Variants in PRKN observed in about 807,000 individuals in gnomAD.
The protein encoded by PRKN is E3 ubiquitin-protein ligase parkin.
PRKN carries 56 observed loss-of-function variants against 59.5 expected under a neutral mutation model. The observed-to-expected ratio is 0.94, with a 90% CI of 0.76 to 1.18. The LOEUF (loss-of-function observed/expected upper bound fraction) is 1.18. PRKN is among the 50% of genes most tolerant of loss of function. The pLI, the probability that PRKN is intolerant of heterozygous loss-of-function variation, is 0.00. For synonymous variants in PRKN, 250 were observed against 222.1 expected (o/e 1.13, Z -1.12); for missense variants, 657 against 596.4 (o/e 1.10, Z -1.06).
intron 2 of PRKN, among the ~76,000 whole-genome samples, chr6:162,334,804 T>C (rs948409606): frequency 1.3e-5 from 2 of 152,172 alleles, no homozygotes; most frequent in African/African-American, 4.8e-5. Flanking sequence ...ACAACATTCA[T>C]GATTCATGGG....
At chr6:161,774,983 A>G (rs1164879006) in intron 7 of PRKN, among the ~76,000 whole-genome samples, 5 of 152,158 alleles carry the variant, frequency 3.3e-5, no homozygotes, top group African/African-American at 1.2e-4. Context: ...TGTGGCTTCA[A>G]TCCTGGTGCC....
At chr6:161,813,251 T>C (rs1791632919) in intron 6 of PRKN, among the ~76,000 whole-genome samples, 1 of 152,140 alleles carries the variant, frequency 6.6e-6, no homozygotes, top group African/African-American at 2.4e-5. Flanking sequence ...ATCATCCTGG[T>C]TCAGCATCCC....
chr6:161,694,116 C>A (rs993320960), intron 7 of PRKN, among the ~76,000 whole-genome samples: 1 of 152,134 alleles, frequency 6.6e-6, no homozygotes, highest in Admixed American at 6.5e-5. Context: ...ACACGAAAGC[C>A]CCTTTGCATT....
intron 1 of PRKN, among the ~76,000 whole-genome samples, chr6:162,457,992 G>A (rs111381273): frequency 0.048 from 7,334 of 151,676 alleles, 589 homozygotes; most frequent in African/African-American, 0.17. Context: ...GCAGTGGCTC[G>A]TGCCTGTAAT....
chr6:161,585,475 A>G (rs1461350731), intron 7 of PRKN, among the ~76,000 whole-genome samples: 1 of 152,240 alleles, frequency 6.6e-6, no homozygotes, highest in Non-Finnish European at 1.5e-5. Flanking sequence ...CATACCAAAG[A>G]GAAATTAAAA....
intron 1 of PRKN, among the ~76,000 whole-genome samples, chr6:162,558,657 T>C (rs9458589): frequency 6.6e-6 from 1 of 150,510 alleles, no homozygotes; most frequent in Non-Finnish European, 1.5e-5. Context: ...TTTAATTTCT[T>C]AGATGGGGTC....
intron 6 of PRKN, among the ~76,000 whole-genome samples, chr6:161,881,863 A>G (rs1794948653): frequency 6.6e-6 from 1 of 152,104 alleles, no homozygotes. Flanking sequence ...GAGGTTCTGG[A>G]GCATCTTCTA....
intron 6 of PRKN, among the ~76,000 whole-genome samples, chr6:161,867,729 G>GA (rs1197882130): frequency 9.8e-6 from 1 of 101,526 alleles, no homozygotes; most frequent in Non-Finnish European, 2.2e-5. Context: ...GCAATCATGG[G>GA]AAAAATCTTT....
chr6:162,214,602 C>T (rs1777558017), intron 3 of PRKN, among the ~76,000 whole-genome samples: 1 of 152,162 alleles, frequency 6.6e-6, no homozygotes, highest in African/African-American at 2.4e-5. Flanking sequence ...TTGAAGGTTC[C>T]AGGGAAGTTA....
intron 6 of PRKN, among the ~76,000 whole-genome samples, chr6:161,917,391 C>A (rs1012012204): frequency 2.0e-5 from 3 of 152,180 alleles, no homozygotes; most frequent in Middle Eastern, 3.2e-3. Context: ...CAGGCATGAG[C>A]CACTGCACCC....
At chr6:162,130,559 G>A (rs1463259546) in intron 4 of PRKN, among the ~76,000 whole-genome samples, 1 of 152,096 alleles carries the variant, frequency 6.6e-6, no homozygotes, top group Non-Finnish European at 1.5e-5. Context: ...GAGGTGCCCA[G>A]GAACAACCAG....
In PRKN at chr6:161,446,604, G is replaced by C. The variant is rs1384023545; in HGVS notation, c.1084-59727C>G. Reference sequence around the variant, plus strand: ...AATCTATTTTTAACCTTGTTAACCTGAACTGTACTTTAAGATTGAAACTAA... The same window carrying C: ...AATCTATTTTTAACCTTGTTAACCTCAACTGTACTTTAAGATTGAAACTAA... On this transcript the variant is annotated intron_variant, in intron 9 of 11. Transcript: ENST00000366898. The surrounding 1 kb of genome is among the most constrained non-coding windows in gnomAD (Gnocchi z 6.2). 6.6e-6 allele frequency among the ~76,000 whole-genome samples: 1 copy of C among 152,108 alleles called. No individual in the cohort carries two copies. Among genetic ancestry groups the C allele is most frequent in the Non-Finnish European group, 1.5e-5 (1 of 68,010 alleles).
intron 2 of PRKN, among the ~76,000 whole-genome samples, chr6:162,363,186 A>G (rs1290885445): frequency 2.6e-5 from 4 of 151,734 alleles, no homozygotes; most frequent in East Asian, 1.9e-4. Flanking sequence ...GTTATGGGAA[A>G]GAGGGTTAGC....
intron 7 of PRKN, among the ~76,000 whole-genome samples, chr6:161,638,738 A>ATTTTTTTTTTTTTTTTT (rs386409169): frequency 2.0e-5 from 2 of 100,224 alleles, no homozygotes; most frequent in African/African-American, 4.5e-5. Flanking sequence ...ACGAGATCTG[A>ATTTTTTTTTTTTTTTTT]TTTTTTTTTT....
At chr6:162,632,428 G>A (rs761028847) in intron 1 of PRKN, among the ~76,000 whole-genome samples, 7 of 152,054 alleles carry the variant, frequency 4.6e-5, no homozygotes, top group African/African-American at 9.7e-5. Context: ...AATACTGCAC[G>A]TTTCACTTAT....
At chr6:161,580,487 T>C (rs1020159772) in intron 7 of PRKN, among the ~76,000 whole-genome samples, 9 of 152,118 alleles carry the variant, frequency 5.9e-5, no homozygotes, top group Admixed American at 1.3e-4. Flanking sequence ...TGTTGTTTGT[T>C]TGTTTTTTGA....
Position 161,771,396 on chromosome 6 carries a change from A to AAAT in PRKN, c.871+14375_871+14376insATT, listed in dbSNP as rs1562671030. On this transcript the variant is annotated intron_variant, in intron 7 of 11. Coordinates refer to ENST00000366898, the MANE Select transcript of PRKN (RefSeq NM_004562.3). ...ATAAAATAAAATAAAATAAAATAAA[A>AAAT]TAAAAGCACTGCTGTGCTTGAGCCA... 1.1e-4 allele frequency among the ~76,000 whole-genome samples: 16 copies of AAAT among 148,386 alleles called. 1 individual carries two copies. In the South Asian group the frequency reaches 3.5e-3, roughly 33 times the overall value.
At chr6:161,753,303 G>C (rs931449564) in intron 7 of PRKN, among the ~76,000 whole-genome samples, 2 of 152,146 alleles carry the variant, frequency 1.3e-5, no homozygotes, top group African/African-American at 4.8e-5. Context: ...AACACAGAGA[G>C]GGCATGGAGA....
intron 6 of PRKN, among the ~76,000 whole-genome samples, chr6:161,909,876 G>C (rs1554246832): frequency 1.3e-5 from 2 of 152,128 alleles, no homozygotes; most frequent in Non-Finnish European, 2.9e-5. Flanking sequence ...CTATTCTCTT[G>C]GCAATAGTGC....
Sources: gnomAD v4.1 joint callset for allele counts (sites outside exome capture counted in the v4.1 genomes callset) on GRCh38, gnomAD v4.1.1 for gene constraint, Gnocchi (gnomAD v3.1) non-coding constraint, MANE v1.5 for transcripts, NCBI Gene and HGNC (gene_info 2026-07-23, HGNC 2026-07-21) for gene names.